Variants in ANKRD17 observed in about 807,000 individuals in gnomAD.
The protein encoded by ANKRD17 is ankyrin repeat domain 17, also known as ankyrin repeat domain-containing protein 17.
In ANKRD17, 19 loss-of-function variants were observed where a neutral mutation model predicts 229.7. The observed-to-expected ratio is 0.08, with a 90% CI of 0.06 to 0.12. The LOEUF is 0.12. Ranked by LOEUF, ANKRD17 falls within the 10% of genes least tolerant of loss-of-function variation. The pLI is 1.00. For synonymous variants in ANKRD17, 1,112 were observed against 1,146.1 expected (o/e 0.97, Z 0.60); for missense variants, 2,176 against 3,176.8 (o/e 0.68, Z 7.57).
rs1560618018 is a variant in ANKRD17, at chr4:73,158,190, G to GAAAGAAAGAAAGAAAGAAAGAA, written c.705-2025_705-2024insTTCTTTCTTTCTTTCTTTCTTT. 1.4e-4 allele frequency among the ~76,000 whole-genome samples: 12 copies of GAAAGAAAGAAAGAAAGAAAGAA among 87,952 alleles called. No individual in the cohort carries two copies. In the South Asian group the frequency reaches 1.4e-3, roughly 10 times the overall value. 57.7% of individuals were successfully genotyped at this position (87,952 alleles called of 152,430 possible). A position where few individuals can be genotyped will look rare whatever the true frequency, so the allele number is the denominator to read the frequency against. ...AAAGAAAGAAAGAAAGAAAGAAAGA[G>GAAAGAAAGAAAGAAAGAAAGAA]AGAGAAAGAAAGAAAGAAAAGTAGA... On this transcript the variant is annotated intron_variant, in intron 3 of 33. Coordinates refer to ENST00000358602, the MANE Select transcript of ANKRD17 (RefSeq NM_032217.5).
At chr4:73,224,923 G>A (rs1485128692) in intron 1 of ANKRD17, among the ~76,000 whole-genome samples, 1 of 152,080 alleles carries the variant, frequency 6.6e-6, no homozygotes, top group Non-Finnish European at 1.5e-5. Flanking sequence ...TATCAGACAG[G>A]GCACACAGTT....
At chr4:73,178,479 AT>A (rs1008695462) in intron 1 of ANKRD17, among the ~76,000 whole-genome samples, 131 of 147,386 alleles carry the variant, frequency 8.9e-4, no homozygotes, top group Admixed American at 1.1e-3. Context: ...CTAGCATTTA[AT>A]TTTTTTTTTT....
At chr4:73,205,577 T>A (rs745665908) in intron 1 of ANKRD17, among the ~76,000 whole-genome samples, 3 of 151,988 alleles carry the variant, frequency 2.0e-5, no homozygotes. Flanking sequence ...TCACAACAAA[T>A]ACAAAACTCA....
chr4:73,099,562 A>G (rs531131251), intron 25 of ANKRD17, among the ~76,000 whole-genome samples: 1 of 152,230 alleles, frequency 6.6e-6, no homozygotes, highest in East Asian at 1.9e-4. Context: ...GTGGTCTGGG[A>G]GGATTCCCCT....
intron 1 of ANKRD17, among the ~76,000 whole-genome samples, chr4:73,250,615 A>AAAAAAAAAAC (rs1744925705): frequency 2.9e-5 from 4 of 138,386 alleles, no homozygotes; most frequent in Non-Finnish European, 4.7e-5. Flanking sequence ...AAAAAAAAAA[A>AAAAAAAAAAC]CAGAAAAAAA....
Position 73,151,322 on chromosome 4 carries a change from T to C in ANKRD17, c.1329+108A>G. 2.1e-6 allele frequency: 2 copies of C among 942,996 alleles called. 1 individual carries two copies. The highest frequency in any genetic ancestry group is 3.2e-5 in the South Asian group (2 of 61,602). The allele number at this position is 942,996 out of a possible 1,614,324, so 58.4% of individuals were successfully genotyped here. On this transcript the variant is annotated intron_variant, in intron 7 of 33. Transcript: ENST00000358602. ...ATGTTGTACAACTGATTCAATAAGGTTCTGACAAACAGAATCATAGCACCC... is the reference window on the plus strand; with the variant it reads ...ATGTTGTACAACTGATTCAATAAGGCTCTGACAAACAGAATCATAGCACCC...
At chr4:73,143,882 A>G (rs1487044793) in intron 11 of ANKRD17, among the ~76,000 whole-genome samples, 1 of 152,148 alleles carries the variant, frequency 6.6e-6, no homozygotes, top group Non-Finnish European at 1.5e-5. Flanking sequence ...CTGGCACTAC[A>G]GGTGCAAGCC....
chr4:73,207,889 G>C (rs953750661), intron 1 of ANKRD17, among the ~76,000 whole-genome samples: 3 of 151,880 alleles, frequency 2.0e-5, no homozygotes, highest in African/African-American at 7.3e-5. Flanking sequence ...AATCAGTAAG[G>C]GTATTAAAAA....
chr4:73,179,518 A>ATATATATATTTTTTT (rs1192164276), intron 1 of ANKRD17, among the ~76,000 whole-genome samples: 14 of 40,776 alleles, frequency 3.4e-4, no homozygotes, highest in African/African-American at 3.7e-4. Context: ...ATATATATAT[A>ATATATATATTTTTTT]TTTTTTTTTT....
intron 24 of ANKRD17, among the ~76,000 whole-genome samples, chr4:73,113,470 A>G (rs1478897784): frequency 6.6e-5 from 10 of 152,222 alleles, no homozygotes; most frequent in Non-Finnish European, 1.5e-4. Context: ...ACAATAAATT[A>G]TAAGATCAAA....
At chr4:73,162,114 G>A (rs1054077939) in intron 2 of ANKRD17, among the ~76,000 whole-genome samples, 3 of 150,434 alleles carry the variant, frequency 2.0e-5, no homozygotes, top group Non-Finnish European at 4.4e-5. Flanking sequence ...TGCATGCCAC[G>A]ATTACAGTTT....
intron 33 of ANKRD17, among the ~76,000 whole-genome samples, chr4:73,076,502 C>T (rs1721016468): frequency 6.6e-6 from 1 of 151,866 alleles, no homozygotes; most frequent in African/African-American, 2.4e-5. Context: ...AAATCATTAC[C>T]TGAGCATTTA....
intron 25 of ANKRD17, among the ~76,000 whole-genome samples, chr4:73,100,113 G>GT (rs1349281896): frequency 1.3e-5 from 2 of 152,146 alleles, no homozygotes; most frequent in Non-Finnish European, 2.9e-5. Context: ...CAGTGGTGGT[G>GT]TTTTTTGTTC....
At chr4:73,171,178 G>GGAGAGAGGGA (rs1553928535) in intron 2 of ANKRD17, among the ~76,000 whole-genome samples, 202 of 104,492 alleles carry the variant, frequency 1.9e-3, no homozygotes, top group African/African-American at 4.0e-3. Flanking sequence ...CTCAGAGGGG[G>GGAGAGAGGGA]GAGAGAGAGA....
intron 29 of ANKRD17, among the ~76,000 whole-genome samples, chr4:73,086,092 C>A (rs988306051): frequency 6.6e-6 from 1 of 152,146 alleles, no homozygotes; most frequent in African/African-American, 2.4e-5. Flanking sequence ...AAATTTAATT[C>A]TTGATTTTAG....
chr4:73,258,680 G>C lies in ANKRD17; in HGVS notation c.-12C>G, dbSNP rs1012432879. The C allele has an allele frequency of 2.1e-6, 3 of 1,457,128 alleles. No homozygotes were observed. The highest frequency in any genetic ancestry group is 2.7e-6 in the Non-Finnish European group (3 of 1,115,004). The allele number at this position is 1,457,128 out of a possible 1,614,324, so 90.3% of individuals were successfully genotyped here. ...GTCGCCTTCTCCATCCCCAGGGAAA[G>C]AGGGAGGGCGCGGACGGGGGAGGGG... On this transcript the variant is annotated 5_prime_UTR_variant, in exon 1 of 34. Coordinates refer to ENST00000358602, the MANE Select transcript of ANKRD17 (RefSeq NM_032217.5).
chr4:73,258,792 C>CTCT lies in ANKRD17; in HGVS notation c.-127_-125dup. 7.8e-7 allele frequency: 1 copy of CTCT among 1,278,722 alleles called. No individual in the cohort carries two copies. Among genetic ancestry groups the CTCT allele is most frequent in the African/African-American group, 1.6e-5 (1 of 60,924 alleles). 79.2% of individuals were successfully genotyped at this position (1,278,722 alleles called of 1,614,324 possible). ...CCTCCGCCGCCACCGCCTCGGTCAC[C>CTCT]TCTACTGCCGCCGCCGCCGCCGCCG... On this transcript the variant is annotated 5_prime_UTR_variant, in exon 1 of 34. Coordinates refer to ENST00000358602, the MANE Select transcript of ANKRD17 (RefSeq NM_032217.5).
At position 73,074,595 on chromosome 4, in the gene ANKRD17, G is replaced by A. The variant is rs192938206; in HGVS notation, c.*1636C>T. On this transcript the variant is annotated 3_prime_UTR_variant, in exon 34 of 34. Coordinates refer to ENST00000358602, the MANE Select transcript of ANKRD17 (RefSeq NM_032217.5). ...ACAAATTTCTGGATATGTTTGAGAA[G>A]TCATCTTTTTACTCTTTACTCAGGC... The A allele has an allele frequency of 3.9e-5, 6 of 151,918 alleles. No homozygotes were observed. Among genetic ancestry groups the A allele is most frequent in the African/African-American group, 1.4e-4 (6 of 41,500 alleles). The allele number at this position is 151,918 out of a possible 1,614,324, so 9.4% of individuals were successfully genotyped here.
At chr4:73,125,155 A>G in intron 17 of ANKRD17, 46 bp downstream of exon 17, 1 of 1,591,500 alleles carries the variant, frequency 6.3e-7, no homozygotes, top group Non-Finnish European at 8.5e-7. Flanking sequence ...TCCTAAATAA[A>G]TTTTTTGACC....
Sources: allele counts gnomAD v4.1 joint callset (sites outside exome capture counted in the v4.1 genomes callset), GRCh38; gene constraint gnomAD v4.1.1; transcripts MANE v1.5; gene names NCBI Gene and HGNC (gene_info 2026-07-23, HGNC 2026-07-21).